Variants in LRRC20 observed in about 807,000 individuals in gnomAD.
The protein encoded by LRRC20 is leucine-rich repeat-containing protein 20.
LRRC20 carries 11 observed loss-of-function variants against 14.4 expected under a neutral mutation model. That is an observed-to-expected ratio of 0.77 (90% CI 0.48 to 1.27). The LOEUF (loss-of-function observed/expected upper bound fraction) is 1.27, where lower values mean the gene tolerates loss of function less well. LRRC20 is among the 50% of genes most tolerant of loss of function. The probability of loss-of-function intolerance (pLI) is 0.00; values close to 1 mark genes in which losing one functional copy is unlikely to be tolerated. For synonymous variants in LRRC20, 121 were observed against 107.3 expected (o/e 1.13, Z -0.79); for missense variants, 219 against 251.2 (o/e 0.87, Z 0.87).
chr10:70,367,173 A>G (rs181743404), intron 2 of LRRC20, among the ~76,000 whole-genome samples: 67 of 152,074 alleles, frequency 4.4e-4, no homozygotes, highest in African/African-American at 1.5e-3. Flanking sequence ...AAAAATACAA[A>G]AATTAGCCAG....
chr10:70,334,126 G>A (rs1264655776), intron 3 of LRRC20, among the ~76,000 whole-genome samples: 1 of 151,472 alleles, frequency 6.6e-6, no homozygotes, highest in African/African-American at 2.4e-5. Context: ...CTCCACCCTG[G>A]GTGACACAGC....
At chr10:70,332,628 AG>A (rs373754538) in intron 3 of LRRC20, among the ~76,000 whole-genome samples, 146 of 152,366 alleles carry the variant, frequency 9.6e-4, no homozygotes, top group African/African-American at 3.3e-3. Context: ...TGGGTGACAG[AG>A]GGAGACCTGT....
chr10:70,378,060 G>A (rs1269561942), intron 1 of LRRC20, among the ~76,000 whole-genome samples: 1 of 151,960 alleles, frequency 6.6e-6, no homozygotes, highest in Non-Finnish European at 1.5e-5. Flanking sequence ...AGCACAAAAT[G>A]TATACACCTG....
chr10:70,302,862 C>T (rs1432054581), intron 4 of LRRC20, among the ~76,000 whole-genome samples: 2 of 152,074 alleles, frequency 1.3e-5, no homozygotes, highest in Non-Finnish European at 2.9e-5. Context: ...AGGCGCGCGC[C>T]ACCATGCCCA....
chr10:70,326,948 C>T (rs564667008), intron 3 of LRRC20, among the ~76,000 whole-genome samples: 6 of 152,318 alleles, frequency 3.9e-5, no homozygotes, highest in South Asian at 2.1e-4. Flanking sequence ...CGTGAGCCAC[C>T]GCGCCCGGCA....
At position 70,300,163 on chromosome 10, in the gene LRRC20, G is replaced by A; in HGVS notation, c.*1191C>T. 1 of 160,058 alleles carries A rather than the reference G, an allele frequency of 6.2e-6. No homozygotes were observed. Among genetic ancestry groups the A allele is most frequent in the Non-Finnish European group, 1.3e-5 (1 of 75,128 alleles). The allele number at this position is 160,058 out of a possible 1,614,324, so 9.9% of individuals were successfully genotyped here. A position where few individuals can be genotyped will look rare whatever the true frequency, so the allele number is the denominator to read the frequency against. ...TGCTCCACAGATGAGGAGAAGGTGG[G>A]AGGTAGATACCTGAGGACCAAGCAG... On this transcript the variant is annotated 3_prime_UTR_variant, in exon 5 of 5. Coordinates refer to ENST00000446961, the MANE Select transcript of LRRC20 (RefSeq NM_001278212.2).
chr10:70,325,500 C>CA (rs1320044835), intron 3 of LRRC20, among the ~76,000 whole-genome samples: 11 of 152,232 alleles, frequency 7.2e-5, no homozygotes, highest in Non-Finnish European at 1.0e-4. Flanking sequence ...CCCTCACCCT[C>CA]ACCCAGGGCC....
At chr10:70,304,044 C>T (rs1484945168) in intron 4 of LRRC20, among the ~76,000 whole-genome samples, 1 of 151,824 alleles carries the variant, frequency 6.6e-6, no homozygotes, top group African/African-American at 2.4e-5. Context: ...TTTTAAAGGA[C>T]CAGAATAAGG....
chr10:70,353,839 G>A (rs1488051804), intron 2 of LRRC20, among the ~76,000 whole-genome samples: 1 of 152,166 alleles, frequency 6.6e-6, no homozygotes, highest in Non-Finnish European at 1.5e-5. Context: ...GAAACAGATT[G>A]GGAGGTGGTG....
At chr10:70,311,797 C>A (rs1202278654) in intron 4 of LRRC20, among the ~76,000 whole-genome samples, 1 of 152,214 alleles carries the variant, frequency 6.6e-6, no homozygotes, top group Admixed American at 6.5e-5. Flanking sequence ...TATGCACTGG[C>A]TGGCCCTCCT....
intron 3 of LRRC20, among the ~76,000 whole-genome samples, chr10:70,330,201 G>GT (rs1174874468): frequency 2.0e-5 from 3 of 152,118 alleles, no homozygotes; most frequent in Non-Finnish European, 4.4e-5. Context: ...CATTTTAAAA[G>GT]TTTGATAGAA....
intron 3 of LRRC20, among the ~76,000 whole-genome samples, chr10:70,334,347 C>A (rs1309849378): frequency 6.6e-6 from 1 of 152,084 alleles, no homozygotes; most frequent in Admixed American, 6.6e-5. Flanking sequence ...ACCCAGTGGG[C>A]TGAAGTGAAG....
intron 3 of LRRC20, among the ~76,000 whole-genome samples, chr10:70,332,806 C>T (rs1180746289): frequency 1.3e-5 from 2 of 152,194 alleles, no homozygotes; most frequent in Non-Finnish European, 2.9e-5. Flanking sequence ...TGGAATATCT[C>T]CAGTACTGCT....
intron 2 of LRRC20, among the ~76,000 whole-genome samples, chr10:70,347,841 A>C (rs1017162337): frequency 1.3e-5 from 2 of 151,230 alleles, no homozygotes; most frequent in Non-Finnish European, 2.9e-5. Context: ...AAACCCAAAA[A>C]ACACACACAC....
intron 2 of LRRC20, among the ~76,000 whole-genome samples, chr10:70,346,309 G>A (rs966885560): frequency 2.0e-5 from 3 of 152,156 alleles, no homozygotes; most frequent in Admixed American, 6.5e-5. Context: ...CCAGGTACTC[G>A]GGAGGATGAG....
chr10:70,334,010 C>T (rs776807932), intron 3 of LRRC20, among the ~76,000 whole-genome samples: 8 of 152,034 alleles, frequency 5.3e-5, no homozygotes, highest in Non-Finnish European at 8.8e-5. Context: ...ATTAGCCAGG[C>T]GTGGTGGCAA....
At chr10:70,369,938 G>A (rs1844199384) in intron 2 of LRRC20, among the ~76,000 whole-genome samples, 1 of 151,996 alleles carries the variant, frequency 6.6e-6, no homozygotes, top group Non-Finnish European at 1.5e-5. Flanking sequence ...AAGTTAGCTG[G>A]GCATGGTGGC....
At chr10:70,319,173 G>GA (rs11439728) in intron 4 of LRRC20, among the ~76,000 whole-genome samples, 41,667 of 125,008 alleles carry the variant, frequency 0.33, 7,281 homozygotes, top group Non-Finnish European at 0.42. Flanking sequence ...GGTGTATAGG[G>GA]AAAAAAAAAA....
At chr10:70,339,215 G>A (rs1842823052) in intron 3 of LRRC20, among the ~76,000 whole-genome samples, 1 of 152,222 alleles carries the variant, frequency 6.6e-6, no homozygotes, top group Non-Finnish European at 1.5e-5. Context: ...TCGCTGTTGA[G>A]TCTTTGATGA....
Sources: allele counts gnomAD v4.1 joint callset (sites outside exome capture counted in the v4.1 genomes callset), GRCh38; gene constraint gnomAD v4.1.1; transcripts MANE v1.5; gene names NCBI Gene and HGNC (gene_info 2026-07-23, HGNC 2026-07-21).